DMD: variants seen among roughly 807,000 people sequenced by gnomAD.
DMD encodes the protein dystrophin.
A neutral mutation model predicts 330.1 loss-of-function variants in DMD; 63 were observed. The observed-to-expected ratio is 0.19, with a 90% CI of 0.16 to 0.24. DMD has a LOEUF of 0.24. Among genes scored for constraint, DMD ranks in the 10% least tolerant of loss-of-function variants. The probability of loss-of-function intolerance (pLI) is 1.00; values close to 1 mark genes in which losing one functional copy is unlikely to be tolerated. For missense variants in DMD, 3,344 were observed against 2,684.1 expected, an observed-to-expected ratio of 1.25 and a Z score of -5.43; for synonymous variants, 1,223 against 959.8, an observed-to-expected ratio of 1.27 and a Z score of -5.07.
chrX:31,416,626 C>T (rs2061884728), intron 60 of DMD, among the ~76,000 whole-genome samples: 1 of 112,341 alleles, frequency 8.9e-6, no homozygotes. Flanking sequence ...AAGCTGACTT[C>T]TGCCTGCCTT....
chrX:33,316,114 T>A (rs1442178028), intron 1 of DMD, among the ~76,000 whole-genome samples: 1 of 110,660 alleles, frequency 9.0e-6, no homozygotes, highest in East Asian at 2.8e-4. Context: ...AATGACTCTG[T>A]AATCAACTAT....
At chrX:32,746,689 C>A (rs987923655) in intron 7 of DMD, among the ~76,000 whole-genome samples, 1 of 111,970 alleles carries the variant, frequency 8.9e-6, no homozygotes, top group African/African-American at 3.2e-5. Context: ...AAATATTTGT[C>A]ATTTCTTTGT....
chrX:31,133,995 G>A (rs893240651), intron 77 of DMD, 107 bp downstream of exon 77: 2 of 686,921 alleles, frequency 2.9e-6, no homozygotes, highest in Non-Finnish European at 4.6e-6. Context: ...TTGCCATTCT[G>A]ATACTGCGTG....
At chrX:32,317,338 C>A (rs984832217) in intron 41 of DMD, among the ~76,000 whole-genome samples, 1 of 111,198 alleles carries the variant, frequency 9.0e-6, no homozygotes, top group African/African-American at 3.3e-5. Context: ...TGCTTAATGA[C>A]TATTATAGAA....
chrX:32,679,901 A>ATTTTTTTT (rs1569447513), intron 9 of DMD, among the ~76,000 whole-genome samples: 6 of 30,954 alleles, frequency 1.9e-4, no homozygotes, highest in African/African-American at 5.3e-4. Context: ...TAATATTTGT[A>ATTTTTTTT]CTTTTTTTTT....
At chrX:33,092,878 AT>A (rs1158198239) in intron 1 of DMD, among the ~76,000 whole-genome samples, 1 of 108,217 alleles carries the variant, frequency 9.2e-6, no homozygotes, top group African/African-American at 3.4e-5. Context: ...ATTTTATTTT[AT>A]TTATTTATTT....
intron 59 of DMD, among the ~76,000 whole-genome samples, chrX:31,452,883 T>A (rs1228724760): frequency 8.9e-6 from 1 of 111,789 alleles, no homozygotes; most frequent in East Asian, 2.8e-4. Flanking sequence ...AAAGGAAAAG[T>A]TTTTATTTTT....
intron 2 of DMD, among the ~76,000 whole-genome samples, chrX:32,968,597 G>A (rs2092256329): frequency 9.0e-6 from 1 of 111,723 alleles, no homozygotes; most frequent in African/African-American, 3.3e-5. Flanking sequence ...TTGAATGAAT[G>A]TTTGTGTCCA....
At chrX:31,943,943 GATC>G (rs774758055) in intron 45 of DMD, among the ~76,000 whole-genome samples, 1 of 105,019 alleles carries the variant, frequency 9.5e-6, no homozygotes, top group South Asian at 4.6e-4. Context: ...GGAACATTTT[GATC>G]ATCACTTTCA....
chrX:32,062,959 C>T (rs781266607), intron 44 of DMD, among the ~76,000 whole-genome samples: 33 of 110,389 alleles, frequency 3.0e-4, no homozygotes, highest in Middle Eastern at 9.3e-3. Context: ...TTTCAGTAAA[C>T]CTGACACTAA....
intron 44 of DMD, among the ~76,000 whole-genome samples, chrX:32,133,717 C>T (rs1183193820): frequency 8.1e-5 from 9 of 111,538 alleles, no homozygotes. Context: ...ATCCAGAAAT[C>T]CTTGTTGGCC....
chrX:32,437,625 A>G (rs2098266610), intron 29 of DMD, among the ~76,000 whole-genome samples: 1 of 112,282 alleles, frequency 8.9e-6, no homozygotes, highest in African/African-American at 3.2e-5. Flanking sequence ...CATATCTCAC[A>G]TGTAGTAGAT....
intron 47 of DMD, among the ~76,000 whole-genome samples, chrX:31,915,293 G>T (rs180852539): frequency 0.092 from 10,221 of 111,633 alleles, 467 homozygotes; most frequent in African/African-American, 0.18. Context: ...TGGAGATTTT[G>T]AAATGCAGTA....
At chrX:31,193,435 C>T (rs949541185) in intron 67 of DMD, among the ~76,000 whole-genome samples, 1 of 111,419 alleles carries the variant, frequency 9.0e-6, no homozygotes, top group Non-Finnish European at 1.9e-5. Context: ...CATGAATAGA[C>T]GGGGGAGAGG....
At chrX:32,853,318 A>C (rs2081281970) in intron 2 of DMD, among the ~76,000 whole-genome samples, 1 of 112,344 alleles carries the variant, frequency 8.9e-6, no homozygotes, top group South Asian at 3.7e-4. Context: ...TAATACTGTA[A>C]TTGTGATGTA....
At chrX:32,743,013 C>G (rs2069503577) in intron 7 of DMD, among the ~76,000 whole-genome samples, 1 of 111,292 alleles carries the variant, frequency 9.0e-6, no homozygotes, top group Admixed American at 9.6e-5. Flanking sequence ...GATACCCTGT[C>G]TCTTCCTCTG....
At chrX:32,329,703 T>G (rs1206327140) in intron 41 of DMD, among the ~76,000 whole-genome samples, 2 of 112,485 alleles carry the variant, frequency 1.8e-5, no homozygotes, top group Admixed American at 9.4e-5. Context: ...ATAACTGTAT[T>G]TGTTAGGTAA....
intron 55 of DMD, among the ~76,000 whole-genome samples, chrX:31,594,176 C>T (rs892746593): frequency 1.8e-5 from 2 of 110,775 alleles, no homozygotes; most frequent in African/African-American, 6.5e-5. Context: ...CCTCTACCCA[C>T]TAGACTTCAG....
chrX:32,711,919 T>C (rs2065226819), intron 7 of DMD, among the ~76,000 whole-genome samples: 1 of 112,262 alleles, frequency 8.9e-6, no homozygotes, highest in African/African-American at 3.2e-5. Flanking sequence ...ACTGGTATTA[T>C]GAATTTGGAT....
Sources: allele counts gnomAD v4.1 joint callset (sites outside exome capture counted in the v4.1 genomes callset), GRCh38; gene constraint gnomAD v4.1.1; transcripts MANE v1.5; gene names NCBI Gene and HGNC (gene_info 2026-07-23, HGNC 2026-07-21).